TRAPPC9: variants seen among roughly 807,000 people sequenced by gnomAD.
TRAPPC9 encodes the protein trafficking protein particle complex subunit 9, also known as IKK2 binding protein.
TRAPPC9 carries 83 observed loss-of-function variants against 124.0 expected under a neutral mutation model. The observed-to-expected ratio is 0.67, with a 90% CI of 0.56 to 0.80. The LOEUF is 0.80. Ranked by LOEUF, TRAPPC9 falls within the 30% of genes least tolerant of loss-of-function variation. The probability of loss-of-function intolerance (pLI) is 0.00; values close to 1 mark genes in which losing one functional copy is unlikely to be tolerated. For missense variants in TRAPPC9, 1,302 were observed against 1,508.3 expected, an observed-to-expected ratio of 0.86 and a Z score of 2.27; for synonymous variants, 638 against 617.5, an observed-to-expected ratio of 1.03 and a Z score of -0.49.
chr8:140,355,134 C>T (rs1325402116), intron 9 of TRAPPC9, among the ~76,000 whole-genome samples: 2 of 152,198 alleles, frequency 1.3e-5, no homozygotes, highest in East Asian at 3.8e-4. Flanking sequence ...CACCTAAAAA[C>T]ATACAGCTTG....
chr8:139,842,694 G>A (rs973769909), intron 21 of TRAPPC9, among the ~76,000 whole-genome samples: 2 of 152,186 alleles, frequency 1.3e-5, no homozygotes, highest in African/African-American at 2.4e-5. Context: ...CTGTGGCACA[G>A]AGAAGTGTCC....
At position 140,252,667 on chromosome 8, in the gene TRAPPC9, A is replaced by T; in HGVS notation, c.2431+110T>A. ...GGAGATGTCTCAGGCAGCTTGAGTTAATGAATGACAAGTGAGTTACAAACA... is the reference window on the plus strand; with the variant it reads ...GGAGATGTCTCAGGCAGCTTGAGTTTATGAATGACAAGTGAGTTACAAACA... On this transcript the variant is annotated intron_variant, in intron 16 of 22. Coordinates refer to ENST00000438773, the MANE Select transcript of TRAPPC9 (RefSeq NM_001160372.4). This position sits in a 1 kb window ranked among gnomAD's most constrained non-coding sequence, Gnocchi z 4.2. 7.6e-7 allele frequency: 1 copy of T among 1,309,338 alleles called. No homozygotes were observed. The highest frequency in any genetic ancestry group is 1.1e-6 in the Non-Finnish European group (1 of 919,194). 81.1% of individuals were successfully genotyped at this position (1,309,338 alleles called of 1,614,324 possible). A position where few individuals can be genotyped will look rare whatever the true frequency, so the allele number is the denominator to read the frequency against.
At chr8:140,262,412 C>T (rs191421598) in intron 15 of TRAPPC9, among the ~76,000 whole-genome samples, 2 of 150,946 alleles carry the variant, frequency 1.3e-5, no homozygotes, top group East Asian at 3.9e-4. Context: ...GATTAAAAGG[C>T]ATTTCACTTT....
chr8:139,731,644 G>T (rs546872606), intron 22 of TRAPPC9, among the ~76,000 whole-genome samples: 1 of 152,236 alleles, frequency 6.6e-6, no homozygotes, highest in East Asian at 1.9e-4. Flanking sequence ...GGAGCGGCAG[G>T]CACGGGATGG....
chr8:139,736,537 C>G (rs7837417), intron 21 of TRAPPC9, among the ~76,000 whole-genome samples: 125,659 of 152,184 alleles, frequency 0.83, 52,012 homozygotes, highest in East Asian at 0.9. Flanking sequence ...GAAAAGCAAA[C>G]CTTCCTATGA....
intron 15 of TRAPPC9, among the ~76,000 whole-genome samples, chr8:140,259,489 G>A (rs577684974): frequency 6.6e-6 from 1 of 152,328 alleles, no homozygotes; most frequent in African/African-American, 2.4e-5. Context: ...TTCAGATCCT[G>A]GCTCCGGCCG....
intron 20 of TRAPPC9, among the ~76,000 whole-genome samples, chr8:139,888,213 A>G (rs1830130712): frequency 6.6e-6 from 1 of 152,184 alleles, no homozygotes; most frequent in African/African-American, 2.4e-5. Flanking sequence ...GCCCTGAGTA[A>G]ACAGCTCCTG....
chr8:139,750,371 G>A (rs1017615114), intron 21 of TRAPPC9, among the ~76,000 whole-genome samples: 6 of 152,160 alleles, frequency 3.9e-5, no homozygotes, highest in South Asian at 2.1e-4. Flanking sequence ...CAGGTCTACC[G>A]TGCCTTTTTG....
At chr8:139,834,569 C>T (rs536445827) in intron 21 of TRAPPC9, among the ~76,000 whole-genome samples, 11 of 152,376 alleles carry the variant, frequency 7.2e-5, no homozygotes, top group Admixed American at 3.3e-4. Context: ...CCCTCCATGA[C>T]GCTGAGTCCT....
At chr8:139,955,471 A>C (rs1834911838) in intron 19 of TRAPPC9, among the ~76,000 whole-genome samples, 1 of 151,992 alleles carries the variant, frequency 6.6e-6, no homozygotes, top group African/African-American at 2.4e-5. Flanking sequence ...CAACACGTGA[A>C]GCAAATACAA....
chr8:139,792,858 G>A (rs13256946), intron 21 of TRAPPC9, among the ~76,000 whole-genome samples: 59,433 of 152,156 alleles, frequency 0.39, 13,756 homozygotes, highest in Non-Finnish European at 0.52. Flanking sequence ...ACAGCAGTTG[G>A]AAAAAACATC....
chr8:140,413,780 G>A (rs111685325), intron 5 of TRAPPC9, among the ~76,000 whole-genome samples: 4,229 of 150,718 alleles, frequency 0.028, 218 homozygotes, highest in African/African-American at 0.097. Context: ...TAGTTCTTGC[G>A]ATAGTTTACT....
At chr8:139,756,216 G>T (rs74823688) in intron 21 of TRAPPC9, among the ~76,000 whole-genome samples, 1 of 110,870 alleles carries the variant, frequency 9.0e-6, no homozygotes, top group Non-Finnish European at 1.8e-5. Flanking sequence ...GAGGACAGCA[G>T]GTCACAGGAG....
chr8:140,053,951 G>C (rs554714786), intron 17 of TRAPPC9, among the ~76,000 whole-genome samples: 2 of 152,322 alleles, frequency 1.3e-5, no homozygotes, highest in South Asian at 4.1e-4. Context: ...ACTGCATAAA[G>C]AAAGTGTGGT....
chr8:140,232,639 A>G (rs62527481), intron 16 of TRAPPC9, among the ~76,000 whole-genome samples: 4,195 of 152,256 alleles, frequency 0.028, 91 homozygotes, highest in African/African-American at 0.057. Flanking sequence ...AACAGTGACG[A>G]TCTCAACAGC....
chr8:139,958,878 A>AGAGCACTGCATTCCGAGTCACACAGAG (rs1835169473), intron 19 of TRAPPC9, among the ~76,000 whole-genome samples: 2,385 of 136,880 alleles, frequency 0.017, 118 homozygotes, highest in Non-Finnish European at 0.024. Flanking sequence ...AGCCTGACAC[A>AGAGCACTGCATTCCGAGTCACACAGAG]GAGCACTGCA....
rs59393001 is a variant in TRAPPC9 at position 140,446,293 on chromosome 8, C to CAAAAA, written c.584+4492_584+4496dup. 7.8e-3 allele frequency among the ~76,000 whole-genome samples: 860 copies of CAAAAA among 109,862 alleles called. 47 individuals carry two copies. The highest frequency in any genetic ancestry group is 0.01 in the South Asian group (35 of 3,418). The allele number at this position is 109,862 out of a possible 152,430, so 72.1% of individuals were successfully genotyped here. On this transcript the variant is annotated intron_variant, in intron 2 of 22. Transcript: ENST00000438773. ...TGGGCGAAAGAGTAAGACTCTGTCT[C>CAAAAA]AAAAAAAAAAAAAAAAAAAGCAGAC...
At chr8:139,975,104 G>A (rs1284341702) in intron 19 of TRAPPC9, among the ~76,000 whole-genome samples, 1 of 152,116 alleles carries the variant, frequency 6.6e-6, no homozygotes, top group Non-Finnish European at 1.5e-5. Context: ...GATTATGAGT[G>A]AACCTAGGAC....
chr8:139,799,604 T>C (rs566826150), intron 21 of TRAPPC9, among the ~76,000 whole-genome samples: 1 of 152,182 alleles, frequency 6.6e-6, no homozygotes, highest in Non-Finnish European at 1.5e-5. Flanking sequence ...CATCAGACCC[T>C]GTATCCCCAA....
Sources: allele counts gnomAD v4.1 joint callset (sites outside exome capture counted in the v4.1 genomes callset), GRCh38; gene constraint gnomAD v4.1.1; non-coding constraint Gnocchi (gnomAD v3.1); transcripts MANE v1.5; gene names NCBI Gene and HGNC (gene_info 2026-07-23, HGNC 2026-07-21).